The following SLC2A12 variants were observed in gnomAD, a reference collection of about 807,000 sequenced individuals.
SLC2A12 encodes solute carrier family 2 member 12.
SLC2A12 carries 23 observed loss-of-function variants against 41.8 expected under a neutral mutation model. The ratio of observed to expected loss-of-function variants is 0.55; its 90% CI spans 0.40 to 0.78. The LOEUF is 0.78. SLC2A12 is among the 30% of genes least tolerant of loss of function. The pLI is 0.00. For missense variants in SLC2A12, 654 were observed against 745.6 expected (o/e 0.88, Z 1.43); for synonymous variants, 295 against 285.9 (o/e 1.03, Z -0.32).
intron 1 of SLC2A12, among the ~76,000 whole-genome samples, chr6:134,049,025 T>G (rs1773633637): frequency 6.6e-6 from 1 of 152,190 alleles, no homozygotes; most frequent in African/African-American, 2.4e-5. Context: ...CAGCACTCAG[T>G]AGGAACTTAG....
At position 133,990,692 on chromosome 6, in the gene SLC2A12, T is replaced by G. The variant is rs1410563248; in HGVS notation, c.*463A>C. ...ATGGGCAGTTGTCCACACTGTGTGT[T>G]CTGGTTCTTTTTTGCGTAAGATCCA... On this transcript the variant is annotated 3_prime_UTR_variant, in exon 5 of 5. Coordinates refer to ENST00000275230, the MANE Select transcript of SLC2A12 (RefSeq NM_145176.3). 6.5e-6 allele frequency: 1 copy of G among 152,848 alleles called. No homozygotes were observed. The allele number at this position is 152,848 out of a possible 1,614,324, so 9.5% of individuals were successfully genotyped here.
chr6:133,987,649 T>TATAC lies in SLC2A12; in HGVS notation c.*3505_*3506insGTAT, dbSNP rs1562670340. On this transcript the variant is annotated 3_prime_UTR_variant, in exon 5 of 5. Coordinates refer to ENST00000275230, the MANE Select transcript of SLC2A12 (RefSeq NM_145176.3). ...TTGTGTGTGTGTGTGTGTGTGTGTG[T>TATAC]ATATATATATATATATATGCACCAC... The TATAC allele has an allele frequency of 7.4e-6, 1 of 134,436 alleles. No homozygotes were observed. The highest frequency in any genetic ancestry group is 2.1e-4 in the East Asian group (1 of 4,820). 8.3% of individuals were successfully genotyped at this position (134,436 alleles called of 1,614,324 possible).
chr6:133,987,642 GT>G lies in SLC2A12; in HGVS notation c.*3512del, dbSNP rs1562670240. On this transcript the variant is annotated 3_prime_UTR_variant, in exon 5 of 5. Coordinates refer to ENST00000275230, the MANE Select transcript of SLC2A12 (RefSeq NM_145176.3). Reference sequence around the variant, plus strand: ...GTGTATTTTGTGTGTGTGTGTGTGTGTGTGTGTATATATATATATATATATG... The same window carrying G: ...GTGTATTTTGTGTGTGTGTGTGTGTGGTGTGTATATATATATATATATATG... 1 of 130,442 alleles carries G rather than the reference GT, an allele frequency of 7.7e-6. No homozygotes were observed. The highest frequency in any genetic ancestry group is 1.7e-5 in the Non-Finnish European group (1 of 60,216). 8.1% of individuals were successfully genotyped at this position (130,442 alleles called of 1,614,324 possible).
At chr6:133,991,561 A>G (rs1776624694) in intron 4 of SLC2A12, among the ~76,000 whole-genome samples, 1 of 152,176 alleles carries the variant, frequency 6.6e-6, no homozygotes, top group African/African-American at 2.4e-5. Flanking sequence ...AAGGATTCCA[A>G]GGATAGTATT....
chr6:134,006,184 A>AAC (rs576786178), intron 3 of SLC2A12, among the ~76,000 whole-genome samples: 1 of 140,532 alleles, frequency 7.1e-6, no homozygotes, highest in African/African-American at 2.6e-5. Flanking sequence ...CGGAAAAAAA[A>AAC]AAAAAAAACA....
intron 4 of SLC2A12, among the ~76,000 whole-genome samples, chr6:133,998,178 C>T (rs1202059492): frequency 1.3e-5 from 2 of 152,146 alleles, no homozygotes; most frequent in African/African-American, 2.4e-5. Flanking sequence ...TCTTTCCCCA[C>T]CCCAAATTCT....
chr6:133,991,375 T>C (rs886932426), intron 4 of SLC2A12, 67 bp from the exon 5 acceptor site: 1 of 1,544,678 alleles, frequency 6.5e-7, no homozygotes, highest in Non-Finnish European at 8.7e-7. Flanking sequence ...GTGTAGGCTA[T>C]TATTTTTTAA....
chr6:133,995,322 G>A (rs1021456372), intron 4 of SLC2A12, among the ~76,000 whole-genome samples: 3 of 152,126 alleles, frequency 2.0e-5, no homozygotes, highest in South Asian at 2.1e-4. Context: ...TGGAGAATGT[G>A]CCGGAGAAGG....
In SLC2A12 at chr6:134,052,594, A is replaced by G; in HGVS notation, c.-114T>C. On this transcript the variant is annotated 5_prime_UTR_variant, in exon 1 of 5. Coordinates refer to ENST00000275230, the MANE Select transcript of SLC2A12 (RefSeq NM_145176.3). Reference sequence around the variant, plus strand: ...ATGCTAAAGAAGAGTGTGGGGAAAAACTTCGGGCAAAGCTAATGTGATTTG... The same window carrying G: ...ATGCTAAAGAAGAGTGTGGGGAAAAGCTTCGGGCAAAGCTAATGTGATTTG... The G allele has an allele frequency of 1.3e-6, 1 of 772,650 alleles. No homozygotes were observed. The highest frequency in any genetic ancestry group is 2.1e-6 in the Non-Finnish European group (1 of 472,536). The allele number at this position is 772,650 out of a possible 1,614,324, so 47.9% of individuals were successfully genotyped here.
chr6:133,993,186 A>G (rs1776645999), intron 4 of SLC2A12, among the ~76,000 whole-genome samples: 1 of 152,166 alleles, frequency 6.6e-6, no homozygotes, highest in African/African-American at 2.4e-5. Flanking sequence ...TTCTCTGACC[A>G]GATAAGCTTA....
chr6:134,010,085 ACT>A (rs1164833534), intron 2 of SLC2A12, among the ~76,000 whole-genome samples: 1 of 152,132 alleles, frequency 6.6e-6, no homozygotes, highest in Non-Finnish European at 1.5e-5. Context: ...CAGTGGAGAA[ACT>A]CAGTTTCAGT....
intron 2 of SLC2A12, among the ~76,000 whole-genome samples, chr6:134,026,154 T>G (rs1418763002): frequency 6.6e-6 from 1 of 152,214 alleles, no homozygotes; most frequent in Non-Finnish European, 1.5e-5. Context: ...TTCCTTTTTT[T>G]GTGGCTTTTT....
chr6:134,007,053 C>T, intron 2 of SLC2A12, 119 bp from the exon 3 acceptor site: 1 of 1,271,654 alleles, frequency 7.9e-7, no homozygotes, highest in Non-Finnish European at 1.1e-6. Context: ...GGTTGGGAAG[C>T]ACCATTTCCT....
In SLC2A12 at chr6:134,032,421, TA is replaced by T. The variant is rs1562201560; in HGVS notation, c.104-2701del. Among the ~76,000 whole-genome samples, 137 of 33,120 alleles carry T rather than the reference TA, an allele frequency of 4.1e-3. 7 individuals carry two copies. Among genetic ancestry groups the T allele is most frequent in the African/African-American group, 0.017 (127 of 7,376 alleles). The allele number at this position is 33,120 out of a possible 152,430, so 21.7% of individuals were successfully genotyped here. On this transcript the variant is annotated intron_variant, in intron 1 of 4. Coordinates refer to ENST00000275230, the MANE Select transcript of SLC2A12 (RefSeq NM_145176.3). The stretch of plus-strand genomic sequence containing the variant: ...ACAGGGAGAAATATATATATATATA[TA>T]TATTTATATATATATATATATATAT...
At chr6:134,047,327 T>C (rs769581510) in intron 1 of SLC2A12, among the ~76,000 whole-genome samples, 8 of 152,208 alleles carry the variant, frequency 5.3e-5, no homozygotes, top group Non-Finnish European at 1.0e-4. Flanking sequence ...TGCATAGTAA[T>C]GGAGGGCCCT....
chr6:134,022,558 G>GAA (rs1167920170), intron 2 of SLC2A12, among the ~76,000 whole-genome samples: 1 of 81,244 alleles, frequency 1.2e-5, no homozygotes, highest in African/African-American at 7.2e-5. Flanking sequence ...GAAAAGAAAA[G>GAA]AAAAGAAAAG....
At chr6:134,044,784 G>A (rs1331333291) in intron 1 of SLC2A12, among the ~76,000 whole-genome samples, 1 of 149,476 alleles carries the variant, frequency 6.7e-6, no homozygotes, top group African/African-American at 2.5e-5. Context: ...ATCCAGCACT[G>A]TGCCTCTCAT....
intron 2 of SLC2A12, among the ~76,000 whole-genome samples, chr6:134,026,734 C>T (rs947924594): frequency 2.0e-5 from 3 of 152,316 alleles, no homozygotes; most frequent in South Asian, 2.1e-4. Context: ...AGTCTTATAG[C>T]GGGAAATATG....
At chr6:134,049,663 T>G (rs1269920970) in intron 1 of SLC2A12, among the ~76,000 whole-genome samples, 1 of 152,222 alleles carries the variant, frequency 6.6e-6, no homozygotes. Flanking sequence ...CTGAAAAAAT[T>G]TACTAAAAAT....
Sources: gnomAD v4.1 joint callset for allele counts (sites outside exome capture counted in the v4.1 genomes callset) on GRCh38, gnomAD v4.1.1 for gene constraint, MANE v1.5 for transcripts, NCBI Gene and HGNC (gene_info 2026-07-23, HGNC 2026-07-21) for gene names.